Variants in KCND3 observed in about 807,000 individuals in gnomAD.
KCND3 encodes the protein potassium voltage-gated channel subfamily D member 3.
Under a neutral mutation model 51.1 loss-of-function variants are expected in KCND3, and 9 were observed. The observed-to-expected ratio is 0.18, with a 90% CI of 0.11 to 0.31. KCND3 has a LOEUF of 0.31. Ranked by LOEUF, KCND3 falls within the 10% of genes least tolerant of loss-of-function variation. KCND3 has a pLI of 1.00. For synonymous variants in KCND3, 349 were observed against 368.0 expected (o/e 0.95, Z 0.59); for missense variants, 526 against 903.8 (o/e 0.58, Z 5.36).
intron 2 of KCND3, among the ~76,000 whole-genome samples, chr1:111,812,167 C>A (rs577168924): frequency 6.6e-6 from 1 of 152,132 alleles, no homozygotes; most frequent in Non-Finnish European, 1.5e-5. Context: ...AAAGGAAGGG[C>A]CTGGACAGCT....
chr1:111,927,162 G>GGGAATGTC (rs1226259568), intron 2 of KCND3, among the ~76,000 whole-genome samples: 1 of 152,212 alleles, frequency 6.6e-6, no homozygotes. Flanking sequence ...TCACACAGCT[G>GGGAATGTC]GGAATGTCAG....
intron 2 of KCND3, among the ~76,000 whole-genome samples, chr1:111,795,601 G>A (rs1011528341): frequency 3.3e-5 from 5 of 152,304 alleles, no homozygotes; most frequent in South Asian, 4.1e-4. Context: ...CTGCTTTCTC[G>A]CTGGAGGAGG....
intron 2 of KCND3, among the ~76,000 whole-genome samples, chr1:111,947,081 T>C (rs1672812968): frequency 6.6e-6 from 1 of 152,228 alleles, no homozygotes; most frequent in Non-Finnish European, 1.5e-5. Context: ...AGCTACTCTA[T>C]GCCATTTGAT....
intron 2 of KCND3, among the ~76,000 whole-genome samples, chr1:111,862,967 T>C (rs1668402015): frequency 6.6e-6 from 1 of 152,230 alleles, no homozygotes; most frequent in Non-Finnish European, 1.5e-5. Context: ...TCTAGGCACC[T>C]TGGCACTGGA....
At chr1:111,918,374 A>G (rs1671320285) in intron 2 of KCND3, among the ~76,000 whole-genome samples, 1 of 152,212 alleles carries the variant, frequency 6.6e-6, no homozygotes, top group Non-Finnish European at 1.5e-5. Context: ...CATGTAGTAA[A>G]TTAATTGATA....
At chr1:111,904,254 C>A (rs1182575178) in intron 2 of KCND3, among the ~76,000 whole-genome samples, 2 of 152,042 alleles carry the variant, frequency 1.3e-5, no homozygotes, top group East Asian at 3.9e-4. Context: ...AGGGACTAAG[C>A]TGACTGCTAA....
intron 2 of KCND3, among the ~76,000 whole-genome samples, chr1:111,973,223 A>C (rs1033206653): frequency 1.3e-5 from 2 of 152,262 alleles, no homozygotes; most frequent in Non-Finnish European, 2.9e-5. Flanking sequence ...GGACTATGCC[A>C]CTGGGAGAAA....
At chr1:111,797,627 CA>C (rs1441989000) in intron 2 of KCND3, among the ~76,000 whole-genome samples, 1 of 152,134 alleles carries the variant, frequency 6.6e-6, no homozygotes, top group Non-Finnish European at 1.5e-5. Flanking sequence ...TGTGTGAGCA[CA>C]AAGGAGGGGC....
intron 2 of KCND3, among the ~76,000 whole-genome samples, chr1:111,868,628 C>T (rs1668692388): frequency 1.3e-5 from 2 of 152,096 alleles, no homozygotes; most frequent in South Asian, 4.2e-4. Flanking sequence ...TTACTATATG[C>T]CAACATTTTG....
intron 2 of KCND3, among the ~76,000 whole-genome samples, chr1:111,801,352 G>T (rs761419104): frequency 6.6e-6 from 1 of 152,222 alleles, no homozygotes; most frequent in Non-Finnish European, 1.5e-5. Context: ...GTGGTGAAGC[G>T]TCAAAGTGGA....
At chr1:111,955,319 C>T (rs572066442) in intron 2 of KCND3, among the ~76,000 whole-genome samples, 23 of 152,210 alleles carry the variant, frequency 1.5e-4, no homozygotes, top group South Asian at 1.2e-3. Flanking sequence ...GAGGCTGGGG[C>T]GAGAGGACTG....
At chr1:111,966,335 G>A (rs1571915302) in intron 2 of KCND3, among the ~76,000 whole-genome samples, 1 of 152,340 alleles carries the variant, frequency 6.6e-6, no homozygotes, top group East Asian at 1.9e-4. Context: ...GAAGGAAAGG[G>A]CCATTTACAG....
At chr1:111,852,172 T>C (rs891411064) in intron 2 of KCND3, among the ~76,000 whole-genome samples, 4 of 152,262 alleles carry the variant, frequency 2.6e-5, no homozygotes, top group Admixed American at 2.6e-4. Flanking sequence ...TAAGTCCCTA[T>C]TCCAGGTGCT....
intron 2 of KCND3, among the ~76,000 whole-genome samples, chr1:111,798,269 C>A (rs1338126456): frequency 2.6e-5 from 4 of 152,148 alleles, no homozygotes; most frequent in South Asian, 2.1e-4. Context: ...TCTAACCAGG[C>A]CTTTCTCTCA....
intron 2 of KCND3, among the ~76,000 whole-genome samples, chr1:111,855,948 G>T (rs1413498302): frequency 6.6e-6 from 1 of 152,082 alleles, no homozygotes; most frequent in African/African-American, 2.4e-5. Context: ...TCAACTATGG[G>T]GCAGAGCCAG....
chr1:111,915,658 C>G (rs1295231553), intron 2 of KCND3, among the ~76,000 whole-genome samples: 1 of 149,054 alleles, frequency 6.7e-6, no homozygotes, highest in Admixed American at 6.8e-5. Flanking sequence ...GAGGCTGAGG[C>G]AGGAGAATGG....
chr1:111,855,694 C>A (rs1028921854), intron 2 of KCND3, among the ~76,000 whole-genome samples: 3 of 152,134 alleles, frequency 2.0e-5, no homozygotes, highest in Admixed American at 2.0e-4. Context: ...TCCATAACCC[C>A]CTGCTGCACA....
rs187161774 is a variant in KCND3 at position 111,895,105 on chromosome 1, G to A, written c.1106+86516C>T. On this transcript the variant is annotated intron_variant, in intron 2 of 7. Coordinates refer to ENST00000302127, the MANE Select transcript of KCND3 (RefSeq NM_001378969.1). The stretch of plus-strand genomic sequence containing the variant: ...GGAGGACAGGGTGAGAGGAAAAGGA[G>A]GGGAAGGAAGAGGAAGGGGAGGAGG... 3.0e-3 allele frequency among the ~76,000 whole-genome samples: 453 copies of A among 149,868 alleles called. 1 individual carries two copies. Among genetic ancestry groups the A allele is most frequent in the African/African-American group, 0.01 (419 of 40,554 alleles).
intron 2 of KCND3, among the ~76,000 whole-genome samples, chr1:111,895,859 T>G (rs2587367): frequency 0.02 from 2,996 of 151,944 alleles, 92 homozygotes; most frequent in African/African-American, 0.069. Context: ...GGGGTAAGAG[T>G]ATGACGAGTC....
Sources: gnomAD v4.1 joint callset for allele counts (sites outside exome capture counted in the v4.1 genomes callset) on GRCh38, gnomAD v4.1.1 for gene constraint, MANE v1.5 for transcripts, NCBI Gene and HGNC (gene_info 2026-07-23, HGNC 2026-07-21) for gene names.